Variants in NXPH1 observed in about 807,000 individuals in gnomAD.
The protein encoded by NXPH1 is neurexophilin-1.
A neutral mutation model predicts 23.7 loss-of-function variants in NXPH1; 5 were observed. The ratio of observed to expected loss-of-function variants is 0.21; its 90% CI spans 0.11 to 0.44. NXPH1 has a LOEUF of 0.44. NXPH1 is among the 20% of genes least tolerant of loss of function. The probability of loss-of-function intolerance (pLI) is 0.99; values close to 1 mark genes in which losing one functional copy is unlikely to be tolerated. For missense variants in NXPH1, 324 were observed against 321.6 expected (o/e 1.01, Z -0.06); for synonymous variants, 144 against 122.2 (o/e 1.18, Z -1.18).
At chr7:8,441,403 G>A (rs999250032) in intron 2 of NXPH1, among the ~76,000 whole-genome samples, 2 of 152,066 alleles carry the variant, frequency 1.3e-5, no homozygotes, top group Non-Finnish European at 2.9e-5. Context: ...TAAACACAGC[G>A]CGCGCATTTT....
intron 2 of NXPH1, among the ~76,000 whole-genome samples, chr7:8,655,493 C>T (rs1368694591): frequency 4.1e-5 from 3 of 72,808 alleles, no homozygotes; most frequent in African/African-American, 1.2e-4. Flanking sequence ...TCAGATATGT[C>T]CATCACACGC....
At chr7:8,467,715 T>C (rs1179344801) in intron 2 of NXPH1, among the ~76,000 whole-genome samples, 1 of 152,170 alleles carries the variant, frequency 6.6e-6, no homozygotes, top group Non-Finnish European at 1.5e-5. Flanking sequence ...AGGTTGAAAC[T>C]ATGACCAGTT....
At chr7:8,585,906 G>C (rs530345186) in intron 2 of NXPH1, among the ~76,000 whole-genome samples, 2 of 152,144 alleles carry the variant, frequency 1.3e-5, no homozygotes, top group Non-Finnish European at 2.9e-5. Context: ...GACCTGAATA[G>C]GTGGGTTCTT....
At chr7:8,693,059 G>A (rs1821246360) in intron 2 of NXPH1, among the ~76,000 whole-genome samples, 1 of 152,122 alleles carries the variant, frequency 6.6e-6, no homozygotes, top group South Asian at 2.1e-4. Flanking sequence ...AAGTGAAGGG[G>A]CAAGGAGGAA....
Position 8,751,887 on chromosome 7 carries a change from T to A in NXPH1, c.*118T>A. 1 of 974,978 alleles carries A rather than the reference T, an allele frequency of 1.0e-6. No individual in the cohort carries two copies. The highest frequency in any genetic ancestry group is 1.5e-6 in the Non-Finnish European group (1 of 682,006). 60.4% of individuals were successfully genotyped at this position (974,978 alleles called of 1,614,324 possible). ...GAATGTGTCTACACTGCTGCTCTTGTCAACTGGCTGCAAAATACACTAGTG... is the reference window on the plus strand; with the variant it reads ...GAATGTGTCTACACTGCTGCTCTTGACAACTGGCTGCAAAATACACTAGTG... On this transcript the variant is annotated 3_prime_UTR_variant, in exon 3 of 3. Coordinates refer to ENST00000405863, the MANE Select transcript of NXPH1 (RefSeq NM_152745.3). The surrounding 1 kb of genome is among the most constrained non-coding windows in gnomAD (Gnocchi z 4.5).
At chr7:8,639,628 C>T (rs946438711) in intron 2 of NXPH1, among the ~76,000 whole-genome samples, 5 of 152,006 alleles carry the variant, frequency 3.3e-5, no homozygotes, top group Non-Finnish European at 7.4e-5. Context: ...TTGGCTGTGT[C>T]CCCCACCCAA....
intron 2 of NXPH1, among the ~76,000 whole-genome samples, chr7:8,622,406 G>A (rs939071903): frequency 6.6e-6 from 1 of 152,144 alleles, no homozygotes; most frequent in African/African-American, 2.4e-5. Flanking sequence ...TCAATTATAA[G>A]TCTAGTTCTT....
chr7:8,698,636 G>A (rs974326624), intron 2 of NXPH1, among the ~76,000 whole-genome samples: 18 of 152,138 alleles, frequency 1.2e-4, no homozygotes. Flanking sequence ...ATAGGTTACA[G>A]TATCTATGAA....
At chr7:8,468,868 A>T (rs939698702) in intron 2 of NXPH1, among the ~76,000 whole-genome samples, 1 of 152,096 alleles carries the variant, frequency 6.6e-6, no homozygotes, top group African/African-American at 2.4e-5. Flanking sequence ...ATGGAAAGGT[A>T]GTTTCATCTA....
chr7:8,719,874 A>G (rs1779937306), intron 2 of NXPH1, among the ~76,000 whole-genome samples: 1 of 152,254 alleles, frequency 6.6e-6, no homozygotes, highest in South Asian at 2.1e-4. Flanking sequence ...ACCACTGAGA[A>G]GAACAGCTTA....
intron 2 of NXPH1, among the ~76,000 whole-genome samples, chr7:8,695,679 ATTT>A (rs1821297512): frequency 6.6e-6 from 1 of 152,214 alleles, no homozygotes; most frequent in African/African-American, 2.4e-5. Context: ...TATACTAAGT[ATTT>A]TGTGCCATAG....
intron 2 of NXPH1, among the ~76,000 whole-genome samples, chr7:8,740,771 C>G (rs1037219114): frequency 6.6e-6 from 1 of 151,532 alleles, no homozygotes; most frequent in East Asian, 1.9e-4. Flanking sequence ...ATGTAATTGA[C>G]CAATAAAAAT....
Position 8,696,343 on chromosome 7 carries a change from C to A in NXPH1, c.55-54665C>A, listed in dbSNP as rs111256055. On this transcript the variant is annotated intron_variant, in intron 2 of 2. Transcript: ENST00000405863. ...TGACTATGGGGACATTGGGCACAGG[C>A]TAATGACTAATTTCATCAAGGTTCT... 1.2e-3 allele frequency among the ~76,000 whole-genome samples: 179 copies of A among 152,316 alleles called. 1 individual carries two copies. The highest frequency in any genetic ancestry group is 4.1e-3 in the African/African-American group (171 of 41,578).
intron 2 of NXPH1, among the ~76,000 whole-genome samples, chr7:8,468,601 C>T (rs1816821646): frequency 6.6e-6 from 1 of 151,964 alleles, no homozygotes; most frequent in South Asian, 2.1e-4. Context: ...GAAACTATGG[C>T]CTGGGATTCT....
intron 2 of NXPH1, among the ~76,000 whole-genome samples, chr7:8,455,302 T>G (rs1397677717): frequency 6.6e-6 from 1 of 152,170 alleles, no homozygotes; most frequent in East Asian, 1.9e-4. Context: ...GTGGCCACTT[T>G]AAACGACTAA....
intron 2 of NXPH1, among the ~76,000 whole-genome samples, chr7:8,516,676 C>T (rs911246425): frequency 1.3e-5 from 2 of 152,082 alleles, no homozygotes; most frequent in Admixed American, 1.3e-4. Flanking sequence ...TTATTATATA[C>T]TTTCAGTTAT....
chr7:8,630,731 C>T (rs1037435797), intron 2 of NXPH1, among the ~76,000 whole-genome samples: 2 of 152,132 alleles, frequency 1.3e-5, no homozygotes, highest in African/African-American at 4.8e-5. Flanking sequence ...AATTTGACTT[C>T]ACTTTATTGT....
chr7:8,557,336 C>T (rs374449324), intron 2 of NXPH1, among the ~76,000 whole-genome samples: 12 of 151,804 alleles, frequency 7.9e-5, no homozygotes, highest in African/African-American at 2.9e-4. Flanking sequence ...CTAAGGCAGG[C>T]TCAATCTCAA....
intron 2 of NXPH1, among the ~76,000 whole-genome samples, chr7:8,451,941 C>G (rs1816513809): frequency 6.6e-6 from 1 of 152,158 alleles, no homozygotes; most frequent in African/African-American, 2.4e-5. Flanking sequence ...CATGGTATGT[C>G]TCATGGAACA....
Sources: gnomAD v4.1 joint callset for allele counts (sites outside exome capture counted in the v4.1 genomes callset) on GRCh38, gnomAD v4.1.1 for gene constraint, Gnocchi (gnomAD v3.1) non-coding constraint, MANE v1.5 for transcripts, NCBI Gene and HGNC (gene_info 2026-07-23, HGNC 2026-07-21) for gene names.